SPHKAP: variants seen among roughly 807,000 people sequenced by gnomAD.
The protein encoded by SPHKAP is A-kinase anchor protein SPHKAP.
Under a neutral mutation model 137.5 loss-of-function variants are expected in SPHKAP, and 67 were observed. The ratio of observed to expected loss-of-function variants is 0.49; its 90% CI spans 0.40 to 0.60. The LOEUF (loss-of-function observed/expected upper bound fraction) is 0.60, where lower values mean the gene tolerates loss of function less well. Among genes scored for constraint, SPHKAP ranks in the 20% least tolerant of loss-of-function variants. The pLI is 0.00. For missense variants in SPHKAP, 2,097 were observed against 2,069.3 expected, an observed-to-expected ratio of 1.01 and a Z score of -0.26; for synonymous variants, 813 against 785.3, an observed-to-expected ratio of 1.04 and a Z score of -0.59.
At chr2:227,982,398 C>T (rs1460842127) in intron 11 of SPHKAP, 4 of 980,920 alleles carry the variant, frequency 4.1e-6, no homozygotes, top group Non-Finnish European at 4.8e-6. Flanking sequence ...CCTGGCTTTC[C>T]ACAGCCACAG....
At chr2:228,147,124 A>G (rs1196452431) in intron 1 of SPHKAP, among the ~76,000 whole-genome samples, 1 of 152,218 alleles carries the variant, frequency 6.6e-6, no homozygotes, top group East Asian at 1.9e-4. Context: ...GAACTCCACA[A>G]TATACTTAGT....
At chr2:228,048,822 C>T (rs1458837201) in intron 3 of SPHKAP, among the ~76,000 whole-genome samples, 1 of 152,118 alleles carries the variant, frequency 6.6e-6, no homozygotes, top group Non-Finnish European at 1.5e-5. Flanking sequence ...CTGTTCATAT[C>T]CTTTGCCCTC....
chr2:228,015,853 A>G (rs1324072425), intron 7 of SPHKAP, among the ~76,000 whole-genome samples: 1 of 152,180 alleles, frequency 6.6e-6, no homozygotes, highest in African/African-American at 2.4e-5. Context: ...GAAAAATGAG[A>G]GGAGAGAAAA....
At chr2:228,089,862 G>A (rs1043453733) in intron 3 of SPHKAP, among the ~76,000 whole-genome samples, 1 of 152,176 alleles carries the variant, frequency 6.6e-6, no homozygotes, top group Non-Finnish European at 1.5e-5. Flanking sequence ...AAGGAGGGTT[G>A]CCATCTTCCA....
At chr2:228,168,276 A>G (rs1036737394) in intron 1 of SPHKAP, among the ~76,000 whole-genome samples, 1 of 152,196 alleles carries the variant, frequency 6.6e-6, no homozygotes, top group African/African-American at 2.4e-5. Flanking sequence ...AATTGATTTA[A>G]TAATGGATAT....
At chr2:228,153,525 A>C (rs1280151290) in intron 1 of SPHKAP, among the ~76,000 whole-genome samples, 1 of 152,196 alleles carries the variant, frequency 6.6e-6, no homozygotes, top group African/African-American at 2.4e-5. Context: ...CAGCATGTTG[A>C]AAGTATCACT....
intron 3 of SPHKAP, among the ~76,000 whole-genome samples, chr2:228,071,982 C>T (rs1175436867): frequency 6.6e-6 from 1 of 152,176 alleles, no homozygotes; most frequent in African/African-American, 2.4e-5. Context: ...CTGGAAGAGA[C>T]TAGCCATTGA....
At chr2:228,145,407 G>A (rs1182221792) in intron 1 of SPHKAP, among the ~76,000 whole-genome samples, 1 of 152,088 alleles carries the variant, frequency 6.6e-6, no homozygotes, top group Non-Finnish European at 1.5e-5. Flanking sequence ...AAAGCCTGTA[G>A]AAAAATTTTT....
Position 228,089,221 on chromosome 2 carries a change from G to A in SPHKAP, c.246+19611C>T, listed in dbSNP as rs117009174. On this transcript the variant is annotated intron_variant, in intron 3 of 11. Coordinates refer to ENST00000392056, the MANE Select transcript of SPHKAP (RefSeq NM_001142644.2). ...AAAGTTATTGGGAAATGGAGCAAAG[G>A]TCACACTTGTTATGCCCTAGCAAAG... Among the ~76,000 whole-genome samples the A allele has an allele frequency of 6.3e-3, 955 of 152,304 alleles. 12 individuals carry two copies. The highest frequency in any genetic ancestry group is 0.028 in the East Asian group (146 of 5,176).
Position 228,040,140 on chromosome 2 carries a change from T to C in SPHKAP, c.247-12597A>G, listed in dbSNP as rs142788852. Among the ~76,000 whole-genome samples the C allele has an allele frequency of 6.4e-3, 977 of 152,314 alleles. 33 individuals carry two copies. The highest frequency in any genetic ancestry group is 0.055 in the Admixed American group (843 of 15,280). ...CCTTAAAATCTAGGCATTTGAATGT[T>C]GAATATGACCAAATATTTACTAACA... On this transcript the variant is annotated intron_variant, in intron 3 of 11. Coordinates refer to ENST00000392056, the MANE Select transcript of SPHKAP (RefSeq NM_001142644.2).
intron 3 of SPHKAP, among the ~76,000 whole-genome samples, chr2:228,039,267 C>T (rs2106255310): frequency 6.6e-6 from 1 of 152,296 alleles, no homozygotes; most frequent in Non-Finnish European, 1.5e-5. Context: ...GGTTGTACTC[C>T]ACCTTTTACA....
intron 1 of SPHKAP, among the ~76,000 whole-genome samples, chr2:228,138,261 C>T (rs1434536574): frequency 6.6e-6 from 1 of 152,144 alleles, no homozygotes; most frequent in Non-Finnish European, 1.5e-5. Context: ...GTTCACTAAC[C>T]CCTTCACTCT....
chr2:228,040,223 C>G (rs1356803611), intron 3 of SPHKAP, among the ~76,000 whole-genome samples: 7 of 152,176 alleles, frequency 4.6e-5, no homozygotes, highest in African/African-American at 1.7e-4. Context: ...ATGCAGCCAT[C>G]TGGCCATGTG....
At chr2:228,121,658 G>T (rs1348296335) in intron 2 of SPHKAP, among the ~76,000 whole-genome samples, 1 of 152,188 alleles carries the variant, frequency 6.6e-6, no homozygotes, top group Non-Finnish European at 1.5e-5. Context: ...TTTCTTGGAT[G>T]CTTTCCATCC....
chr2:228,114,937 C>T (rs1357800834), intron 2 of SPHKAP, among the ~76,000 whole-genome samples: 1 of 152,154 alleles, frequency 6.6e-6, no homozygotes, highest in African/African-American at 2.4e-5. Flanking sequence ...TGATCCAAGA[C>T]AATCCAGGTC....
intron 2 of SPHKAP, among the ~76,000 whole-genome samples, chr2:228,112,460 A>G (rs1698549959): frequency 6.6e-6 from 1 of 152,214 alleles, no homozygotes; most frequent in Non-Finnish European, 1.5e-5. Context: ...ATTTCAACAG[A>G]GAAAAGCAAC....
At chr2:227,990,864 C>G (rs1395512400) in intron 11 of SPHKAP, 136 bp downstream of exon 11, 1 of 863,900 alleles carries the variant, frequency 1.2e-6, no homozygotes, top group African/African-American at 1.7e-5. Flanking sequence ...TTTCAATGTT[C>G]TAGCCGCAAT....
At chr2:228,154,960 T>G (rs1700066044) in intron 1 of SPHKAP, among the ~76,000 whole-genome samples, 1 of 152,036 alleles carries the variant, frequency 6.6e-6, no homozygotes, top group African/African-American at 2.4e-5. Context: ...CATTCCTCCT[T>G]TTTGTGTAAG....
intron 1 of SPHKAP, among the ~76,000 whole-genome samples, chr2:228,152,719 CTT>C (rs36033637): frequency 4.1e-5 from 6 of 144,732 alleles, no homozygotes; most frequent in Middle Eastern, 3.5e-3. Context: ...GTTATACCTT[CTT>C]TTTTTTTTTT....
Sources: allele counts gnomAD v4.1 joint callset (sites outside exome capture counted in the v4.1 genomes callset), GRCh38; gene constraint gnomAD v4.1.1; transcripts MANE v1.5; gene names NCBI Gene and HGNC (gene_info 2026-07-23, HGNC 2026-07-21).